EYS: variants seen among roughly 807,000 people sequenced by gnomAD.
EYS encodes protein eyes shut homolog.
In EYS, 250 loss-of-function variants were observed where a neutral mutation model predicts 282.1. The ratio of observed to expected loss-of-function variants is 0.89; its 90% confidence interval spans 0.80 to 0.98. The LOEUF (loss-of-function observed/expected upper bound fraction) is 0.98. Among genes scored for constraint, EYS ranks in the 50% least tolerant of loss-of-function variants. The probability of loss-of-function intolerance (pLI) is 0.00; values close to 1 mark genes in which losing one functional copy is unlikely to be tolerated. For synonymous variants in EYS, 1,355 were observed against 1,282.9 expected (o/e 1.06, Z -1.20); for missense variants, 4,016 against 3,709.0 (o/e 1.08, Z -2.15).
intron 22 of EYS, among the ~76,000 whole-genome samples, chr6:64,676,522 A>G (rs1769691089): frequency 6.6e-6 from 1 of 152,076 alleles, no homozygotes; most frequent in Non-Finnish European, 1.5e-5. Flanking sequence ...ATACATAAAA[A>G]TTTTAAAAAT....
At chr6:63,762,775 C>A in intron 40 of EYS, 142 bp from the exon 41 acceptor site, 1 of 780,400 alleles carries the variant, frequency 1.3e-6, no homozygotes, top group Non-Finnish European at 2.0e-6. Flanking sequence ...CCTAAATTGT[C>A]AAAGGAAAGA....
chr6:64,070,097 A>G (rs1220247989), intron 32 of EYS, among the ~76,000 whole-genome samples: 1 of 152,242 alleles, frequency 6.6e-6, no homozygotes, highest in Non-Finnish European at 1.5e-5. Context: ...AAGAGGAGGA[A>G]CATTTTCATA....
At chr6:63,825,052 CTGT>C (rs913061607) in intron 36 of EYS, among the ~76,000 whole-genome samples, 11 of 152,248 alleles carry the variant, frequency 7.2e-5, no homozygotes, top group Non-Finnish European at 1.5e-4. Flanking sequence ...AGACTCGGGG[CTGT>C]TGTTGGGGGC....
intron 16 of EYS, among the ~76,000 whole-genome samples, chr6:64,905,208 C>T (rs889046106): frequency 6.6e-6 from 1 of 152,170 alleles, no homozygotes; most frequent in Non-Finnish European, 1.5e-5. Flanking sequence ...GATATATCCC[C>T]ATTTTTAAGC....
intron 1 of EYS, among the ~76,000 whole-genome samples, chr6:65,659,831 C>A (rs1267347124): frequency 1.3e-5 from 2 of 151,362 alleles, no homozygotes; most frequent in East Asian, 1.9e-4. Flanking sequence ...AGTATATTTT[C>A]TTTCATTTTT....
chr6:64,384,521 C>G (rs531374377), intron 29 of EYS, among the ~76,000 whole-genome samples: 1 of 152,158 alleles, frequency 6.6e-6, no homozygotes, highest in South Asian at 2.1e-4. Flanking sequence ...AATTGATTAA[C>G]AATATTTATT....
chr6:63,918,698 A>G (rs541655135), intron 35 of EYS, among the ~76,000 whole-genome samples: 2 of 152,318 alleles, frequency 1.3e-5, no homozygotes, highest in Admixed American at 1.3e-4. Flanking sequence ...CACTCACCTC[A>G]CTTATTATAA....
intron 7 of EYS, among the ~76,000 whole-genome samples, chr6:65,389,457 G>A (rs1765926618): frequency 6.6e-6 from 1 of 152,120 alleles, no homozygotes; most frequent in African/African-American, 2.4e-5. Flanking sequence ...CAAAATATTA[G>A]CTTTTTTGAT....
intron 36 of EYS, among the ~76,000 whole-genome samples, chr6:63,844,068 G>A (rs994780522): frequency 3.3e-5 from 5 of 152,030 alleles, no homozygotes; most frequent in African/African-American, 7.2e-5. Flanking sequence ...ATGTGTTCTA[G>A]TCATTCAGTT....
chr6:64,015,783 C>A (rs932905313), intron 33 of EYS, among the ~76,000 whole-genome samples: 2 of 152,144 alleles, frequency 1.3e-5, no homozygotes, highest in African/African-American at 4.8e-5. Flanking sequence ...AGCCAGGGCA[C>A]CTGCATCAGC....
At chr6:64,419,251 T>C (rs1335153534) in intron 28 of EYS, among the ~76,000 whole-genome samples, 4 of 152,128 alleles carry the variant, frequency 2.6e-5, no homozygotes, top group Non-Finnish European at 5.9e-5. Flanking sequence ...ATCATGAGAA[T>C]AGCATGAGGG....
At chr6:64,828,622 C>T (rs1765128846) in intron 19 of EYS, among the ~76,000 whole-genome samples, 1 of 151,930 alleles carries the variant, frequency 6.6e-6, no homozygotes, top group Non-Finnish European at 1.5e-5. Context: ...AGATGAAACA[C>T]CTGACCATGG....
chr6:64,428,008 T>C (rs980664124), intron 28 of EYS, among the ~76,000 whole-genome samples: 1 of 152,130 alleles, frequency 6.6e-6, no homozygotes, highest in Non-Finnish European at 1.5e-5. Context: ...AATTACACTA[T>C]GGTGATCTAC....
chr6:65,068,607 A>G (rs1773817011), intron 12 of EYS, among the ~76,000 whole-genome samples: 1 of 152,028 alleles, frequency 6.6e-6, no homozygotes, highest in Non-Finnish European at 1.5e-5. Flanking sequence ...AGGTGGGACT[A>G]GATATTAATC....
At chr6:65,401,865 T>C (rs898899382) in intron 7 of EYS, among the ~76,000 whole-genome samples, 2 of 151,912 alleles carry the variant, frequency 1.3e-5, no homozygotes, top group African/African-American at 2.4e-5. Context: ...CAGATAAAAG[T>C]CAGGCAAGTG....
chr6:65,064,708 T>G (rs1773691805), intron 12 of EYS, among the ~76,000 whole-genome samples: 1 of 151,928 alleles, frequency 6.6e-6, no homozygotes, highest in Non-Finnish European at 1.5e-5. Context: ...ATTTCTTGGT[T>G]CAAACACTCA....
At chr6:63,921,232 C>T (rs1390612093) in intron 35 of EYS, among the ~76,000 whole-genome samples, 1 of 152,146 alleles carries the variant, frequency 6.6e-6, no homozygotes, top group Non-Finnish European at 1.5e-5. Context: ...GAACTGGTTA[C>T]CCGCTGCACT....
At chr6:64,985,893 G>A (rs1167577866) in intron 14 of EYS, among the ~76,000 whole-genome samples, 5 of 151,406 alleles carry the variant, frequency 3.3e-5, no homozygotes, top group Non-Finnish European at 7.4e-5. Context: ...ATATATGCCT[G>A]TTCTGCCACA....
chr6:65,449,681 A>T (rs1192773325), intron 5 of EYS, among the ~76,000 whole-genome samples: 1 of 152,098 alleles, frequency 6.6e-6, no homozygotes, highest in African/African-American at 2.4e-5. Flanking sequence ...TTTAAAGCAA[A>T]GGCAAGAAAA....
Sources: gnomAD v4.1 joint callset for allele counts (sites outside exome capture counted in the v4.1 genomes callset) on GRCh38, gnomAD v4.1.1 for gene constraint, MANE v1.5 for transcripts, NCBI Gene and HGNC (gene_info 2026-07-23, HGNC 2026-07-21) for gene names.